Variants in KIFC1 observed in about 807,000 individuals in gnomAD.
KIFC1 encodes kinesin family member C1.
In KIFC1, 37 loss-of-function variants were observed where a neutral mutation model predicts 66.6. The observed-to-expected ratio is 0.56, with a 90% CI of 0.43 to 0.73. The LOEUF (loss-of-function observed/expected upper bound fraction) is 0.73, where lower values mean the gene tolerates loss of function less well. Ranked by LOEUF, KIFC1 falls within the 30% of genes least tolerant of loss-of-function variation. KIFC1 has a pLI of 0.00. For missense variants in KIFC1, 721 were observed against 859.8 expected (o/e 0.84, Z 2.02); for synonymous variants, 325 against 343.5 (o/e 0.95, Z 0.60).
Position 33,404,252 on chromosome 6 carries a change from T to A in KIFC1, c.756+123T>A. 2.2e-6 allele frequency: 2 copies of A among 894,980 alleles called. No individual in the cohort carries two copies. The highest frequency in any genetic ancestry group is 3.3e-6 in the Non-Finnish European group (2 of 597,544). The allele number at this position is 894,980 out of a possible 1,614,324, so 55.4% of individuals were successfully genotyped here. A position where few individuals can be genotyped will look rare whatever the true frequency, so the allele number is the denominator to read the frequency against. ...TCCTGAGCACCTATCTTTAGCAGTATAGGTGCTGCTGAAGATACCTCTCTC... is the reference window on the plus strand; with the variant it reads ...TCCTGAGCACCTATCTTTAGCAGTAAAGGTGCTGCTGAAGATACCTCTCTC... On this transcript the variant is annotated intron_variant, in intron 6 of 10. Transcript: ENST00000428849. This position sits in a 1 kb window ranked among gnomAD's most constrained non-coding sequence, Gnocchi z 4.0.
chr6:33,407,674 T>TA lies in KIFC1; in HGVS notation c.1977+800dup, dbSNP rs577947853. Among the ~76,000 whole-genome samples, 22 of 152,360 alleles carry TA rather than the reference T, an allele frequency of 1.4e-4. No individual in the cohort carries two copies. The South Asian group carries it at 1.7e-3, about 11-fold the overall frequency. On this transcript the variant is annotated intron_variant, in intron 10 of 10. Coordinates refer to ENST00000428849, the MANE Select transcript of KIFC1 (RefSeq NM_002263.4). ...AAATGGGATTACTGGATCAAAGACTTAGAGGTTTTTCAGACTATTCCAAAT... is the reference window on the plus strand; with the variant it reads ...AAATGGGATTACTGGATCAAAGACTTAAGAGGTTTTTCAGACTATTCCAAAT...
chr6:33,396,436 C>CTTTTTTTTTTTTTTTTTTTTTTTTTCTT (rs199749552), intron 1 of KIFC1, among the ~76,000 whole-genome samples: 1 of 116,258 alleles, frequency 8.6e-6, no homozygotes, highest in African/African-American at 3.5e-5. Context: ...CTTTTCTTTT[C>CTTTTTTTTTTTTTTTTTTTTTTTTTCTT]TTTTTTTTTT....
At position 33,409,685 on chromosome 6, in the gene KIFC1, A is replaced by C; in HGVS notation, c.2017A>C (p.Lys673Gln). Reference sequence around the variant, plus strand: ...TATTGGTACTGCTCAGGCCAACAGGAAGTGAAGACGGATCCAGATCTGTGT... The same window carrying C: ...TATTGGTACTGCTCAGGCCAACAGGCAGTGAAGACGGATCCAGATCTGTGT... ...CVIGTAQANR[K>Q] is the part of the protein sequence containing the mutation. The change falls in exon 11 of 11, where the codon AAG becomes CAG. Residue 673 changes from lysine (K) to glutamine (Q), a missense_variant. Coordinates refer to ENST00000428849, the MANE Select transcript of KIFC1 (RefSeq NM_002263.4). 1 of 1,595,302 alleles carries C rather than the reference A, an allele frequency of 6.3e-7. No homozygotes were observed. The highest frequency in any genetic ancestry group is 8.5e-7 in the Non-Finnish European group (1 of 1,171,508).
Position 33,406,615 on chromosome 6 carries a change from C to A in KIFC1, c.1851C>A (p.Asn617Lys). ...SNKESHVPYR[N>K]SKLTYLLQNS... ...AGGAGTCCCACGTGCCTTACCGGAA[C>A]AGCAAACTGACCTACCTGCTGCAGA... is the stretch of plus-strand genomic sequence containing the variant. Residue 617 changes from asparagine to lysine, a missense_variant, in exon 9 of 11, where the codon AAC becomes AAA. Physicochemically the swap from Asn to Lys is moderately conservative, Grantham distance 94. Coordinates refer to ENST00000428849, the MANE Select transcript of KIFC1 (RefSeq NM_002263.4). This position sits in a 1 kb window ranked among gnomAD's most constrained non-coding sequence, Gnocchi z 4.5. The A allele has an allele frequency of 6.2e-7, 1 of 1,614,074 alleles. No individual in the cohort carries two copies. Among genetic ancestry groups the A allele is most frequent in the South Asian group, 1.1e-5 (1 of 91,086 alleles).
In KIFC1 at chr6:33,400,123, C is replaced by T. The variant is rs1775299829; in HGVS notation, c.250+1736C>T. 1.1e-6 allele frequency: 1 copy of T among 899,946 alleles called. No homozygotes were observed. The highest frequency in any genetic ancestry group is 1.8e-6 in the Non-Finnish European group (1 of 543,058). The allele number at this position is 899,946 out of a possible 1,614,324, so 55.7% of individuals were successfully genotyped here. Reference sequence around the variant, plus strand: ...ATCTATGATGTCATGAGGGTGGTGGCCATCAACATTACAGCCCATAGACTG... The same window carrying T: ...ATCTATGATGTCATGAGGGTGGTGGTCATCAACATTACAGCCCATAGACTG... On this transcript the variant is annotated intron_variant, in intron 3 of 10. Transcript: ENST00000428849. The surrounding 1 kb of genome is among the most constrained non-coding windows in gnomAD (Gnocchi z 4.3).
rs779398373 is a variant in KIFC1 at position 33,403,343 on chromosome 6, C to T, written c.280C>T (p.Arg94Trp). ...AAAAGTTTCCAAGAAGACAGGACCC[C>T]GGTGTTCCACAGCTATTGCCACAGG... ...AQKVSKKTGP[R>W]CSTAIATGLK... The change falls in exon 4 of 11, where the codon CGG becomes TGG. Residue 94 changes from arginine (R) to tryptophan (W), a missense_variant. By Grantham distance (101) the Arg-to-Trp change is moderately radical. Transcript: ENST00000428849. This position sits in a 1 kb window ranked among gnomAD's most constrained non-coding sequence, Gnocchi z 4.6. The T allele has an allele frequency of 8.7e-6, 14 of 1,613,794 alleles. No homozygotes were observed. The highest frequency in any genetic ancestry group is 4.5e-5 in the East Asian group (2 of 44,902).
chr6:33,396,436 C>CTTTTTTTTTTTTT (rs199749552), intron 1 of KIFC1, among the ~76,000 whole-genome samples: 7 of 116,268 alleles, frequency 6.0e-5, no homozygotes, highest in South Asian at 2.9e-4. Context: ...CTTTTCTTTT[C>CTTTTTTTTTTTTT]TTTTTTTTTT....
intron 1 of KIFC1, among the ~76,000 whole-genome samples, chr6:33,392,396 C>T (rs1774833770): frequency 6.6e-6 from 1 of 152,186 alleles, no homozygotes; most frequent in Non-Finnish European, 1.5e-5. Flanking sequence ...TGTCTGAGGC[C>T]ACATCCTTGC....
rs1294999558 is a variant in KIFC1, at chr6:33,400,766, C to G, written c.250+2379C>G. Among the ~76,000 whole-genome samples the G allele has an allele frequency of 1.3e-5, 2 of 152,206 alleles. No homozygotes were observed. The highest frequency in any genetic ancestry group is 2.9e-5 in the Non-Finnish European group (2 of 68,042). ...GGTTCCCGCCATTTTCCTGCCTCAG[C>G]CTTCCGCGTAGCTGGGACTACAGGC... On this transcript the variant is annotated intron_variant, in intron 3 of 10. Coordinates refer to ENST00000428849, the MANE Select transcript of KIFC1 (RefSeq NM_002263.4). This position sits in a 1 kb window ranked among gnomAD's most constrained non-coding sequence, Gnocchi z 4.3.
In KIFC1 at chr6:33,405,092, C is replaced by G; in HGVS notation, c.997C>G (p.Leu333Val). The G allele has an allele frequency of 6.2e-7, 1 of 1,614,148 alleles. No individual in the cohort carries two copies. Among genetic ancestry groups the G allele is most frequent in the Non-Finnish European group, 8.5e-7 (1 of 1,180,012 alleles). ...GEPTPPPGLL[L>V]FPSGPGGPSD... The stretch of plus-strand genomic sequence containing the variant: ...GCCCACTCCACCCCCTGGCCTCCTC[C>G]TGTTTCCCTCTGGCCCTGGTGGGCC... Residue 333 changes from leucine to valine, a missense_variant, in exon 7 of 11, where the codon CTG (leucine) becomes GTG (valine). Physicochemically the swap from Leu to Val is conservative, Grantham distance 32. Transcript: ENST00000428849. The surrounding 1 kb of genome is among the most constrained non-coding windows in gnomAD (Gnocchi z 5.4).
intron 1 of KIFC1, among the ~76,000 whole-genome samples, chr6:33,397,296 C>CTTT (rs9280438): frequency 3.9e-4 from 40 of 102,608 alleles, no homozygotes; most frequent in Middle Eastern, 0.01. Context: ...TTCTAATGCC[C>CTTT]TTTTTTTTTT....
Position 33,405,325 on chromosome 6 carries a change from C to A in KIFC1, c.1230C>A (p.Gly410=), listed in dbSNP as rs749579215. The A allele has an allele frequency of 7.4e-6, 12 of 1,613,880 alleles. No homozygotes were observed. Among genetic ancestry groups the A allele is most frequent in the Non-Finnish European group, 9.3e-6 (11 of 1,180,012 alleles). ...DGYPVCIFAY[G]QTGSGKTFTM... ...ATCCAGTATGCATCTTTGCCTATGG[C>A]CAGACAGGCAGTGGCAAGACCTTCA... Residue 410 remains glycine (G), a synonymous_variant, in exon 7 of 11, where the codon GGC becomes GGA. Transcript: ENST00000428849. This position sits in a 1 kb window ranked among gnomAD's most constrained non-coding sequence, Gnocchi z 5.4.
Position 33,404,763 on chromosome 6 carries a change from C to A in KIFC1, c.757-89C>A. On this transcript the variant is annotated intron_variant, in intron 6 of 10. Transcript: ENST00000428849. This position sits in a 1 kb window ranked among gnomAD's most constrained non-coding sequence, Gnocchi z 4.0. ...TTGAGGTCCTTTTGAGCAGGGACCT[C>A]ACTTCCACCCACTCCATACGCCCCA... 1 of 1,265,106 alleles carries A rather than the reference C, an allele frequency of 7.9e-7. No individual in the cohort carries two copies. Among genetic ancestry groups the A allele is most frequent in the Non-Finnish European group, 1.1e-6 (1 of 907,266 alleles). The allele number at this position is 1,265,106 out of a possible 1,614,324, so 78.4% of individuals were successfully genotyped here. A position where few individuals can be genotyped will look rare whatever the true frequency, so the allele number is the denominator to read the frequency against.
Position 33,404,471 on chromosome 6 carries a change from C to T in KIFC1, c.756+342C>T, listed in dbSNP as rs989684719. Among the ~76,000 whole-genome samples, 3 of 152,154 alleles carry T rather than the reference C, an allele frequency of 2.0e-5. No individual in the cohort carries two copies. Among genetic ancestry groups the T allele is most frequent in the Non-Finnish European group, 2.9e-5 (2 of 68,030 alleles). ...TCCCTCCTCCCATGTCCACTTGACT[C>T]CTTCCTGGTGAGCACCAACTAGATT... On this transcript the variant is annotated intron_variant, in intron 6 of 10. Coordinates refer to ENST00000428849, the MANE Select transcript of KIFC1 (RefSeq NM_002263.4). The surrounding 1 kb of genome is among the most constrained non-coding windows in gnomAD (Gnocchi z 4.0).
rs1775666812 is a variant in KIFC1, at chr6:33,406,538, G to T, written c.1827+52G>T. ...GGGACCTGGGGGACAGTTGGGGTTG[G>T]CTGTGCAGAACCCTGCCTATTCCTA... On this transcript the variant is annotated intron_variant, in intron 8 of 10. Coordinates refer to ENST00000428849, the MANE Select transcript of KIFC1 (RefSeq NM_002263.4). The surrounding 1 kb of genome is among the most constrained non-coding windows in gnomAD (Gnocchi z 4.5). The T allele has an allele frequency of 6.2e-7, 1 of 1,612,376 alleles. No homozygotes were observed. Among genetic ancestry groups the T allele is most frequent in the East Asian group, 2.2e-5 (1 of 44,874 alleles).
At chr6:33,409,219 G>C (rs556963044) in intron 10 of KIFC1, among the ~76,000 whole-genome samples, 10 of 152,266 alleles carry the variant, frequency 6.6e-5, no homozygotes, top group African/African-American at 2.4e-4. Flanking sequence ...GTGTCCTTTA[G>C]ACAGAACTCT....
rs572494029 is a variant in KIFC1 at position 33,403,583 on chromosome 6, G to A, written c.355+48G>A. 3 of 1,602,660 alleles carry A rather than the reference G, an allele frequency of 1.9e-6. No homozygotes were observed. Among genetic ancestry groups the A allele is most frequent in the East Asian group, 2.2e-5 (1 of 44,826 alleles). On this transcript the variant is annotated intron_variant, in intron 5 of 10. Coordinates refer to ENST00000428849, the MANE Select transcript of KIFC1 (RefSeq NM_002263.4). The surrounding 1 kb of genome is among the most constrained non-coding windows in gnomAD (Gnocchi z 4.6). The stretch of plus-strand genomic sequence containing the variant: ...GGGTGAGAGGCTGGGATAGGGAAGA[G>A]AAGATGGTGAGTGACCAGAAAAATC...
In KIFC1 at chr6:33,391,876, G is replaced by A. The variant is rs931256154; in HGVS notation, c.-110G>A. The A allele has an allele frequency of 7.3e-7, 1 of 1,364,846 alleles. No individual in the cohort carries two copies. 84.5% of individuals were successfully genotyped at this position (1,364,846 alleles called of 1,614,324 possible). The stretch of plus-strand genomic sequence containing the variant: ...GGGCTGGTAGCGGCCGGAGCCGTGC[G>A]AGTTCTCTACCCTGCTTCGCGAGCG... On this transcript the variant is annotated 5_prime_UTR_variant, in exon 1 of 11. Transcript: ENST00000428849.
At chr6:33,397,853 T>G (rs1473403577) in intron 1 of KIFC1, among the ~76,000 whole-genome samples, 176 bp from the exon 2 acceptor site, 1 of 152,162 alleles carries the variant, frequency 6.6e-6, no homozygotes, top group African/African-American at 2.4e-5. Context: ...TTATTCCCAC[T>G]TTTAGGTTAT....
Sources: allele counts gnomAD v4.1 joint callset (sites outside exome capture counted in the v4.1 genomes callset), GRCh38; gene constraint gnomAD v4.1.1; non-coding constraint Gnocchi (gnomAD v3.1); transcripts MANE v1.5; gene names NCBI Gene and HGNC (gene_info 2026-07-23, HGNC 2026-07-21).